The following RIPPLY3 variants were observed in gnomAD, a reference collection of about 807,000 sequenced individuals.
RIPPLY3 encodes the protein protein ripply3.
In RIPPLY3, 8 loss-of-function variants were observed where a neutral mutation model predicts 11.9. The observed-to-expected ratio is 0.67, with a 90% CI of 0.40 to 1.21. RIPPLY3 has a LOEUF of 1.21. Among genes scored for constraint, RIPPLY3 ranks in the 50% most tolerant of loss-of-function variants. The probability of loss-of-function intolerance (pLI) is 0.01; values close to 1 mark genes in which losing one functional copy is unlikely to be tolerated. For missense variants in RIPPLY3, 271 were observed against 246.0 expected (o/e 1.10, Z -0.68); for synonymous variants, 102 against 99.0 (o/e 1.03, Z -0.18).
At chr21:37,014,008 G>A (rs1288358561) in intron 3 of RIPPLY3, among the ~76,000 whole-genome samples, 3 of 152,250 alleles carry the variant, frequency 2.0e-5, no homozygotes, top group Middle Eastern at 3.4e-3. Context: ...CTAGTGCAAA[G>A]TCGACCTTCA....
In RIPPLY3 at chr21:37,017,748, G is replaced by A; in HGVS notation, c.240-126G>A. On this transcript the variant is annotated intron_variant, in intron 3 of 3. Coordinates refer to ENST00000329553, the MANE Select transcript of RIPPLY3 (RefSeq NM_018962.3). ...TGTTCTGATGACTTAAATTCTGTGT[G>A]TTGTGAAGGCAAAGACCAGAAAGGA... is the stretch of plus-strand genomic sequence containing the variant. 6 of 767,862 alleles carry A rather than the reference G, an allele frequency of 7.8e-6. No individual in the cohort carries two copies. In the South Asian group the frequency reaches 1.1e-4, roughly 15 times the overall value. 47.6% of individuals were successfully genotyped at this position (767,862 alleles called of 1,614,324 possible). A position where few individuals can be genotyped will look rare whatever the true frequency, so the allele number is the denominator to read the frequency against.
upstream of RIPPLY3, chr21:37,006,699 C>A (rs1014144518): frequency 3.2e-5 from 31 of 979,610 alleles, no homozygotes; most frequent in Middle Eastern, 3.7e-4. The surrounding 1 kb of genome is among the most constrained non-coding windows in gnomAD (Gnocchi z 5.2). Flanking sequence ...GGTAGGTGAG[C>A]GCGTTAGCCC....
In RIPPLY3 at chr21:37,006,804, A is replaced by G; in HGVS notation, c.32A>G (p.Lys11Arg). 2.4e-6 allele frequency: 3 copies of G among 1,233,054 alleles called. No homozygotes were observed. Among genetic ancestry groups the G allele is most frequent in the Non-Finnish European group, 3.0e-6 (3 of 988,960 alleles). The allele number at this position is 1,233,054 out of a possible 1,614,324, so 76.4% of individuals were successfully genotyped here. A position where few individuals can be genotyped will look rare whatever the true frequency, so the allele number is the denominator to read the frequency against. MEPEAAAGAR[K>R]ARGRGCHCPG... ...CCCGAAGCGGCGGCCGGAGCCCGGA[A>G]GGCGCGGGGGCGCGGCTGTCACTGC... is the stretch of plus-strand genomic sequence containing the variant. The change falls in exon 1 of 4, where the codon AAG (lysine) becomes AGG (arginine). Residue 11 changes from lysine to arginine, a missense_variant. Lys to Arg is a conservative substitution (Grantham distance 26, BLOSUM62 2). Coordinates refer to ENST00000329553, the MANE Select transcript of RIPPLY3 (RefSeq NM_018962.3). The surrounding 1 kb of genome is among the most constrained non-coding windows in gnomAD (Gnocchi z 5.2).
rs568608105 is a variant in RIPPLY3 at position 37,008,091 on chromosome 21, C to T, written c.105-66C>T. 7 of 1,544,940 alleles carry T rather than the reference C, an allele frequency of 4.5e-6. No individual in the cohort carries two copies. The East Asian group carries it at 1.1e-4, about 25-fold the overall frequency. Reference sequence around the variant, plus strand: ...AGACACTGGAACTAAGAATAGCTCTCATGGCATAGTTTGAAGGCAGCAGAA... The same window carrying T: ...AGACACTGGAACTAAGAATAGCTCTTATGGCATAGTTTGAAGGCAGCAGAA... On this transcript the variant is annotated intron_variant, in intron 1 of 3. Transcript: ENST00000329553.
Position 37,018,294 on chromosome 21 carries a change from G to A in RIPPLY3, c.*87G>A. 8.7e-7 allele frequency: 1 copy of A among 1,144,418 alleles called. No individual in the cohort carries two copies. Among genetic ancestry groups the A allele is most frequent in the Non-Finnish European group, 1.3e-6 (1 of 773,366 alleles). The allele number at this position is 1,144,418 out of a possible 1,614,324, so 70.9% of individuals were successfully genotyped here. On this transcript the variant is annotated 3_prime_UTR_variant, in exon 4 of 4. Coordinates refer to ENST00000329553, the MANE Select transcript of RIPPLY3 (RefSeq NM_018962.3). ...CCGAGCCAGGACACTACGCATCCCT[G>A]CTGAGTGTGCAGAGGCTAGAGGCTT...
At chr21:37,010,824 A>G (rs1274520714) in intron 2 of RIPPLY3, among the ~76,000 whole-genome samples, 1 of 152,146 alleles carries the variant, frequency 6.6e-6, no homozygotes, top group Admixed American at 6.6e-5. Flanking sequence ...GCCTCTCTGC[A>G]CCTGTCAGTC....
At chr21:37,008,361 G>A in intron 2 of RIPPLY3, 138 bp downstream of exon 2, 1 of 780,912 alleles carries the variant, frequency 1.3e-6, no homozygotes. Context: ...TCGGGGTCTG[G>A]GAGTTGGAAC....
chr21:37,018,045 C>T lies in RIPPLY3; in HGVS notation c.411C>T (p.Pro137=). The change falls in exon 4 of 4, where the codon CCC becomes CCT. Residue 137 remains proline, a synonymous_variant. Coordinates refer to ENST00000329553, the MANE Select transcript of RIPPLY3 (RefSeq NM_018962.3). ...GACCCCCACCCCTCCATCTTCTGCC[C>T]CAGGAGGTGGGAGGTCGGCAGGAAA... ...EEGPPPLHLL[P]QEVGGRQENG... 1 of 1,614,054 alleles carries T rather than the reference C, an allele frequency of 6.2e-7. No homozygotes were observed. The highest frequency in any genetic ancestry group is 8.5e-7 in the Non-Finnish European group (1 of 1,180,004).
intron 1 of RIPPLY3, among the ~76,000 whole-genome samples, chr21:37,007,601 G>A (rs1236819546): frequency 4.0e-5 from 6 of 151,894 alleles, no homozygotes; most frequent in African/African-American, 1.5e-4. Context: ...TAGAGACTGG[G>A]TTTCGCCATG....
intron 2 of RIPPLY3, among the ~76,000 whole-genome samples, chr21:37,009,323 C>T (rs2069498494): frequency 6.6e-6 from 1 of 151,680 alleles, no homozygotes; most frequent in South Asian, 2.1e-4. Context: ...GTTATATGGA[C>T]TAACGTGCAG....
Position 37,018,935 on chromosome 21 carries a change from C to T in RIPPLY3, c.*728C>T, listed in dbSNP as rs902118747. 4 of 150,746 alleles carry T rather than the reference C, an allele frequency of 2.7e-5. No homozygotes were observed. Among genetic ancestry groups the T allele is most frequent in the Non-Finnish European group, 4.4e-5 (3 of 67,872 alleles). 9.3% of individuals were successfully genotyped at this position (150,746 alleles called of 1,614,324 possible). A position where few individuals can be genotyped will look rare whatever the true frequency, so the allele number is the denominator to read the frequency against. On this transcript the variant is annotated 3_prime_UTR_variant, in exon 4 of 4. Coordinates refer to ENST00000329553, the MANE Select transcript of RIPPLY3 (RefSeq NM_018962.3). ...CTTTGAACTCCTGACCTCAGGTGAT[C>T]CACCCGCCTTGGCCTCCCAAAGTGC...
upstream of RIPPLY3, chr21:37,006,455 C>CG (rs1030295901): frequency 3.6e-5 from 9 of 248,884 alleles, no homozygotes; most frequent in Non-Finnish European, 6.9e-5. This position sits in a 1 kb window ranked among gnomAD's most constrained non-coding sequence, Gnocchi z 5.2. Flanking sequence ...CCGGGCCTGC[C>CG]GGACCCCCCT....
At chr21:37,016,700 G>A (rs1018413059) in intron 3 of RIPPLY3, among the ~76,000 whole-genome samples, 1 of 152,158 alleles carries the variant, frequency 6.6e-6, no homozygotes, top group African/African-American at 2.4e-5. Context: ...GGATGTGGTG[G>A]CATGCACCAG....
At chr21:37,013,726 T>G (rs964621588) in intron 3 of RIPPLY3, 108 bp downstream of exon 3, 1 of 760,902 alleles carries the variant, frequency 1.3e-6, no homozygotes, top group African/African-American at 1.7e-5. Flanking sequence ...GGAAAATAAT[T>G]CAATGTATTC....
At chr21:37,007,372 A>T (rs1262195769) in intron 1 of RIPPLY3, among the ~76,000 whole-genome samples, 1 of 146,578 alleles carries the variant, frequency 6.8e-6, no homozygotes, top group African/African-American at 2.5e-5. Flanking sequence ...CGGATGGGCC[A>T]GGTAGCCAGG....
rs78514555 is a variant in RIPPLY3, at chr21:37,014,416, G to C, written c.239+798G>C. Reference sequence around the variant, plus strand: ...CCTTTTCCTCCCACCTCCTAAGTGTGTGTCATGGTCCTGGTGGTGACCAGG... The same window carrying C: ...CCTTTTCCTCCCACCTCCTAAGTGTCTGTCATGGTCCTGGTGGTGACCAGG... On this transcript the variant is annotated intron_variant, in intron 3 of 3. Transcript: ENST00000329553. 9.9e-3 allele frequency among the ~76,000 whole-genome samples: 1,507 copies of C among 152,254 alleles called. 26 individuals carry two copies. Among genetic ancestry groups the C allele is most frequent in the African/African-American group, 0.033 (1,384 of 41,540 alleles).
At chr21:37,006,426 G>T (rs2069463356), upstream of RIPPLY3, 1 of 199,902 alleles carries the variant, frequency 5.0e-6, no homozygotes. The surrounding 1 kb of genome is among the most constrained non-coding windows in gnomAD (Gnocchi z 5.2). Context: ...ACTTTTCTTT[G>T]TCCCGTCCCC....
chr21:37,014,557 G>A (rs78778529), intron 3 of RIPPLY3, among the ~76,000 whole-genome samples: 14 of 151,948 alleles, frequency 9.2e-5, no homozygotes, highest in Admixed American at 2.6e-4. Context: ...TGTCTCGCTC[G>A]ATCTCCTTTA....
At chr21:37,007,656 ACCT>A (rs1409516209) in intron 1 of RIPPLY3, among the ~76,000 whole-genome samples, 9 of 151,974 alleles carry the variant, frequency 5.9e-5, no homozygotes, top group South Asian at 2.1e-4. Flanking sequence ...TGATCCAGTA[ACCT>A]CAGCCTCCCA....
Sources: allele counts gnomAD v4.1 joint callset (sites outside exome capture counted in the v4.1 genomes callset), GRCh38; gene constraint gnomAD v4.1.1; non-coding constraint Gnocchi (gnomAD v3.1); transcripts MANE v1.5; gene names NCBI Gene and HGNC (gene_info 2026-07-23, HGNC 2026-07-21).